Variants in OR10J1 observed in about 807,000 individuals in gnomAD.
OR10J1 encodes the protein olfactory receptor family 10 subfamily J member 1.
For synonymous variants in OR10J1, 202 were observed against 143.8 expected, an observed-to-expected ratio of 1.40 and a Z score of -2.89; for missense variants, 474 against 376.6, an observed-to-expected ratio of 1.26 and a Z score of -2.14.
At chr1:159,407,216 T>G in the OR10J1 span, among the ~76,000 whole-genome samples, 1 of 152,138 alleles carries the variant, frequency 6.6e-6, no homozygotes, top group African/African-American at 2.4e-5. Context: ...AAAATGCAAT[T>G]TTCCATTGTT....
the OR10J1 span, among the ~76,000 whole-genome samples, chr1:159,424,783 A>T: frequency 6.6e-6 from 1 of 152,138 alleles, no homozygotes; most frequent in Non-Finnish European, 1.5e-5. Context: ...TATGAGTTCC[A>T]AACAGAAAAA....
chr1:159,412,387 TA>T, the OR10J1 span, among the ~76,000 whole-genome samples: 2 of 151,454 alleles, frequency 1.3e-5, no homozygotes. Flanking sequence ...AAGTCAATCC[TA>T]AGCCAAAAGA....
the OR10J1 span, among the ~76,000 whole-genome samples, chr1:159,407,518 C>T: frequency 6.6e-6 from 1 of 152,036 alleles, no homozygotes; most frequent in Non-Finnish European, 1.5e-5. Context: ...TGAAACATTC[C>T]ATCAGCAGAG....
the OR10J1 span, among the ~76,000 whole-genome samples, chr1:159,416,880 A>G: frequency 1.3e-5 from 2 of 151,992 alleles, no homozygotes; most frequent in African/African-American, 4.8e-5. Context: ...ATTGCTCATA[A>G]TAGTCTCCAA....
the OR10J1 span, among the ~76,000 whole-genome samples, chr1:159,398,745 T>C: frequency 6.6e-6 from 1 of 151,848 alleles, no homozygotes; most frequent in African/African-American, 2.4e-5. Context: ...TAAAAAACAA[T>C]AAAGTATGCC....
upstream of OR10J1, chr1:159,438,113 G>A (rs1318614192): frequency 6.6e-6 from 1 of 152,160 alleles, no homozygotes; most frequent in Non-Finnish European, 1.5e-5. Flanking sequence ...ATTTATTGTA[G>A]TATTTCAGGT....
the OR10J1 span, among the ~76,000 whole-genome samples, chr1:159,419,307 G>T: frequency 1.3e-5 from 2 of 152,190 alleles, no homozygotes; most frequent in Admixed American, 1.3e-4. Context: ...TAATTCCCAT[G>T]TGTCATGGGA....
At chr1:159,399,757 A>G in the OR10J1 span, among the ~76,000 whole-genome samples, 1 of 152,062 alleles carries the variant, frequency 6.6e-6, no homozygotes, top group Non-Finnish European at 1.5e-5. Flanking sequence ...CTAATCTTAT[A>G]CTAAATAGAA....
the OR10J1 span, among the ~76,000 whole-genome samples, chr1:159,415,562 TG>T: frequency 6.6e-6 from 1 of 152,058 alleles, no homozygotes; most frequent in Non-Finnish European, 1.5e-5. Context: ...AGCTCTTTTT[TG>T]GTTCCATACA....
At chr1:159,424,029 A>G in the OR10J1 span, among the ~76,000 whole-genome samples, 1 of 152,200 alleles carries the variant, frequency 6.6e-6, no homozygotes, top group African/African-American at 2.4e-5. Context: ...AGCCTGGCCA[A>G]GATGGTGAAA....
At chr1:159,428,642 G>A in the OR10J1 span, among the ~76,000 whole-genome samples, 1 of 152,134 alleles carries the variant, frequency 6.6e-6, no homozygotes, top group East Asian at 1.9e-4. Flanking sequence ...TTATGCACTG[G>A]CCATTCTCAA....
the OR10J1 span, among the ~76,000 whole-genome samples, chr1:159,431,048 C>A: frequency 6.6e-6 from 1 of 152,108 alleles, no homozygotes; most frequent in East Asian, 1.9e-4. Context: ...ACCTTCCAAG[C>A]CTACATTGTG....
upstream of OR10J1, among the ~76,000 whole-genome samples, chr1:159,435,352 C>T (rs146354881): frequency 6.6e-6 from 1 of 152,158 alleles, no homozygotes; most frequent in South Asian, 2.1e-4. Context: ...CATCAATTCT[C>T]ACATGCAGTC....
the OR10J1 span, among the ~76,000 whole-genome samples, chr1:159,430,683 GT>G: frequency 7.4e-6 from 1 of 136,028 alleles, no homozygotes; most frequent in East Asian, 2.0e-4. Flanking sequence ...GCGCGCACAT[GT>G]TTGGGTGGCC....
At chr1:159,409,465 T>G in the OR10J1 span, among the ~76,000 whole-genome samples, 1 of 152,064 alleles carries the variant, frequency 6.6e-6, no homozygotes, top group Admixed American at 6.6e-5. Flanking sequence ...TACTCCGTAC[T>G]CTCTTTTTCT....
chr1:159,426,185 G>A, the OR10J1 span, among the ~76,000 whole-genome samples: 1 of 151,558 alleles, frequency 6.6e-6, no homozygotes, highest in Non-Finnish European at 1.5e-5. Context: ...TATAAAATAT[G>A]GTGTAAGTAA....
At chr1:159,437,048 T>C (rs1206992184), upstream of OR10J1, among the ~76,000 whole-genome samples, 1 of 152,062 alleles carries the variant, frequency 6.6e-6, no homozygotes, top group Non-Finnish European at 1.5e-5. Context: ...TAAATAAATA[T>C]CACATGAAAG....
upstream of OR10J1, chr1:159,433,041 T>C (rs775968860): frequency 4.5e-6 from 2 of 449,422 alleles, no homozygotes; most frequent in South Asian, 7.8e-5. Flanking sequence ...ACATACACTG[T>C]TATTACTCCT....
At chr1:159,405,412 G>C in the OR10J1 span, 1 of 160,144 alleles carries the variant, frequency 6.2e-6, no homozygotes, top group African/African-American at 2.4e-5. Flanking sequence ...CACATGAAGG[G>C]AGGCCATCAC....
Sources: gnomAD v4.1 joint callset for allele counts (sites outside exome capture counted in the v4.1 genomes callset) on GRCh38, gnomAD v4.1.1 for gene constraint, MANE v1.5 for transcripts, NCBI Gene and HGNC (gene_info 2026-07-23, HGNC 2026-07-21) for gene names.